Variants in CNTN4 observed in about 807,000 individuals in gnomAD.
The protein encoded by CNTN4 is contactin-4.
Under a neutral mutation model 122.5 loss-of-function variants are expected in CNTN4, and 77 were observed. That is an observed-to-expected ratio of 0.63 (90% confidence interval 0.52 to 0.76). CNTN4 has a LOEUF of 0.76. Ranked by LOEUF, CNTN4 falls within the 30% of genes least tolerant of loss-of-function variation. The probability of loss-of-function intolerance (pLI) is 0.00; values close to 1 mark genes in which losing one functional copy is unlikely to be tolerated. For missense variants in CNTN4, 1,256 were observed against 1,259.1 expected, an observed-to-expected ratio of 1.00 and a Z score of 0.04; for synonymous variants, 512 against 447.0, an observed-to-expected ratio of 1.15 and a Z score of -1.83.
intron 3 of CNTN4, among the ~76,000 whole-genome samples, chr3:2,563,390 G>A (rs2079035212): frequency 6.6e-6 from 1 of 151,988 alleles, no homozygotes; most frequent in South Asian, 2.1e-4. Context: ...TCATATTGTT[G>A]TTTACCTTCA....
In CNTN4 at chr3:2,245,065, T is replaced by C. The variant is rs1159281530; in HGVS notation, c.-144-94113T>C. On this transcript the variant is annotated intron_variant, in intron 2 of 24. Transcript: ENST00000418658. ...CTTCCATAATAGATACAATGGATGGTTTAATGTTAAATACCCTGAGAAGTC... is the reference window on the plus strand; with the variant it reads ...CTTCCATAATAGATACAATGGATGGCTTAATGTTAAATACCCTGAGAAGTC... Among the ~76,000 whole-genome samples the C allele has an allele frequency of 3.9e-5, 6 of 152,100 alleles. No homozygotes were observed. The East Asian group carries it at 7.7e-4, about 20-fold the overall frequency.
intron 4 of CNTN4, among the ~76,000 whole-genome samples, chr3:2,659,460 C>CAAAAAAAAAAAAAA (rs59025670): frequency 1.9e-5 from 1 of 53,974 alleles, no homozygotes; most frequent in Non-Finnish European, 3.8e-5. Flanking sequence ...GACTCCATCT[C>CAAAAAAAAAAAAAA]AAAAAAAAAA....
Position 3,026,089 on chromosome 3 carries a change from T to C in CNTN4, c.1487-13T>C. 6.2e-7 allele frequency: 1 copy of C among 1,611,968 alleles called. No individual in the cohort carries two copies. ...TTGTTGTTGTTATTGTTTGTTTTGTTTTAACTCTCCAGATCCAACAAGGGT... is the reference window on the plus strand; with the variant it reads ...TTGTTGTTGTTATTGTTTGTTTTGTCTTAACTCTCCAGATCCAACAAGGGT... On this transcript the variant is annotated splice_polypyrimidine_tract_variant and intron_variant, in intron 14 of 24. Transcript: ENST00000418658.
intron 2 of CNTN4, among the ~76,000 whole-genome samples, chr3:2,245,815 G>A (rs2040123352): frequency 1.3e-5 from 2 of 151,962 alleles, no homozygotes. Context: ...TCTTCTATGA[G>A]TAATCATGAA....
At chr3:2,798,556 A>G (rs2090355) in intron 6 of CNTN4, among the ~76,000 whole-genome samples, 42,342 of 152,068 alleles carry the variant, frequency 0.28, 6,281 homozygotes, top group Non-Finnish European at 0.32. Flanking sequence ...GTCACCCAGG[A>G]TGGAGTGCAG....
chr3:2,679,925 G>T (rs1212472082), intron 4 of CNTN4, among the ~76,000 whole-genome samples: 1 of 151,992 alleles, frequency 6.6e-6, no homozygotes, highest in African/African-American at 2.4e-5. Context: ...TCATTTATTT[G>T]TCATTTGCTT....
chr3:2,728,368 A>G (rs947386602), intron 4 of CNTN4, among the ~76,000 whole-genome samples: 2 of 152,172 alleles, frequency 1.3e-5, no homozygotes, highest in Non-Finnish European at 2.9e-5. Context: ...AGCAGGACAC[A>G]GTGTGCCCTA....
At chr3:2,120,364 T>TATATAA (rs1559260589) in intron 2 of CNTN4, among the ~76,000 whole-genome samples, 1 of 54,220 alleles carries the variant, frequency 1.8e-5, no homozygotes, top group African/African-American at 5.6e-5. Context: ...TATATATATA[T>TATATAA]ATATATATAA....
At chr3:2,869,063 G>T (rs1201864454) in intron 8 of CNTN4, among the ~76,000 whole-genome samples, 1 of 152,172 alleles carries the variant, frequency 6.6e-6, no homozygotes, top group Non-Finnish European at 1.5e-5. Flanking sequence ...CGTGGTTGAA[G>T]CATAGTGAGC....
chr3:2,378,878 G>A (rs1019274723), intron 3 of CNTN4, among the ~76,000 whole-genome samples: 11 of 151,846 alleles, frequency 7.2e-5, no homozygotes, highest in African/African-American at 2.4e-4. Flanking sequence ...TTTACTACTG[G>A]TATTAGAGGA....
intron 13 of CNTN4, among the ~76,000 whole-genome samples, chr3:2,938,534 T>C (rs1172210081): frequency 1.3e-5 from 2 of 152,220 alleles, no homozygotes; most frequent in African/African-American, 4.8e-5. Flanking sequence ...GTCTCACTCA[T>C]TGCATCTATG....
chr3:2,784,347 T>C lies in CNTN4; in HGVS notation c.359-35139T>C, dbSNP rs926552132. 4.6e-5 allele frequency among the ~76,000 whole-genome samples: 7 copies of C among 152,226 alleles called. No individual in the cohort carries two copies. In the East Asian group the frequency reaches 1.3e-3, roughly 29 times the overall value. Reference sequence around the variant, plus strand: ...TAGGCAAACACAACACATTTTGGGCTGATTTTCTCAACTTTGTTTATTGCG... The same window carrying C: ...TAGGCAAACACAACACATTTTGGGCCGATTTTCTCAACTTTGTTTATTGCG... On this transcript the variant is annotated intron_variant, in intron 6 of 24. Coordinates refer to ENST00000418658, the MANE Select transcript of CNTN4 (RefSeq NM_175607.3).
intron 3 of CNTN4, among the ~76,000 whole-genome samples, chr3:2,527,607 G>T (rs1351679888): frequency 6.6e-6 from 1 of 151,826 alleles, no homozygotes; most frequent in Admixed American, 6.6e-5. Flanking sequence ...TGCTTCATCC[G>T]TAAAGCACCT....
intron 8 of CNTN4, among the ~76,000 whole-genome samples, chr3:2,875,983 T>C (rs183311193): frequency 1.3e-5 from 2 of 152,348 alleles, no homozygotes; most frequent in Admixed American, 1.3e-4. Context: ...TCTCTGCCTT[T>C]AAATGAGACA....
At chr3:2,803,671 TGCCTCA>T (rs955459564) in intron 6 of CNTN4, among the ~76,000 whole-genome samples, 1 of 151,888 alleles carries the variant, frequency 6.6e-6, no homozygotes, top group Non-Finnish European at 1.5e-5. Context: ...GCAATTCTCC[TGCCTCA>T]GCCTCTAGAG....
chr3:2,844,358 C>A (rs572383851), intron 7 of CNTN4, among the ~76,000 whole-genome samples: 22 of 152,260 alleles, frequency 1.4e-4, no homozygotes, highest in Admixed American at 1.3e-3. Flanking sequence ...ATGTTAAGGT[C>A]ACCATAGATA....
At chr3:2,331,492 G>A (rs1289665395) in intron 2 of CNTN4, among the ~76,000 whole-genome samples, 1 of 152,130 alleles carries the variant, frequency 6.6e-6, no homozygotes, top group Admixed American at 6.5e-5. Context: ...AACCAAAAAT[G>A]TCTTCAGACT....
chr3:2,667,692 C>T (rs986811374), intron 4 of CNTN4, among the ~76,000 whole-genome samples: 4 of 119,128 alleles, frequency 3.4e-5, no homozygotes, highest in Non-Finnish European at 6.9e-5. Flanking sequence ...ATGGTAATGC[C>T]TAGGTTTTCT....
chr3:2,377,279 G>A (rs1458892625), intron 3 of CNTN4, among the ~76,000 whole-genome samples: 1 of 152,120 alleles, frequency 6.6e-6, no homozygotes, highest in Admixed American at 6.5e-5. Flanking sequence ...CTCCCTAATA[G>A]GAAGGAAGCA....
Sources: gnomAD v4.1 joint callset for allele counts (sites outside exome capture counted in the v4.1 genomes callset) on GRCh38, gnomAD v4.1.1 for gene constraint, MANE v1.5 for transcripts, NCBI Gene and HGNC (gene_info 2026-07-23, HGNC 2026-07-21) for gene names.